The following CSGALNACT1 variants were observed in gnomAD, a reference collection of about 807,000 sequenced individuals.
CSGALNACT1 encodes the protein chondroitin sulfate N-acetylgalactosaminyltransferase 1.
In CSGALNACT1, 52 loss-of-function variants were observed where a neutral mutation model predicts 51.0. The ratio of observed to expected loss-of-function variants is 1.02; its 90% CI spans 0.82 to 1.29. The LOEUF (loss-of-function observed/expected upper bound fraction) is 1.29, where lower values mean the gene tolerates loss of function less well. CSGALNACT1 is among the 50% of genes most tolerant of loss of function. The pLI is 0.00. For missense variants in CSGALNACT1, 935 were observed against 679.2 expected (o/e 1.38, Z -4.19); for synonymous variants, 341 against 254.4 (o/e 1.34, Z -3.24).
upstream of CSGALNACT1, among the ~76,000 whole-genome samples, chr8:19,602,974 T>A (rs181030016): frequency 4.2e-4 from 63 of 149,716 alleles, no homozygotes; most frequent in East Asian, 1.4e-3. Flanking sequence ...TTTGCTATTT[T>A]TATATATATA....
At chr8:19,543,010 A>T (rs1214915765) in intron 3 of CSGALNACT1, among the ~76,000 whole-genome samples, 1 of 152,170 alleles carries the variant, frequency 6.6e-6, no homozygotes, top group Non-Finnish European at 1.5e-5. Flanking sequence ...AGTAAGACTC[A>T]ATTTAAATTG....
chr8:19,687,681 G>GA (rs1194736116), intron 1 of CSGALNACT1, among the ~76,000 whole-genome samples: 2 of 152,274 alleles, frequency 1.3e-5, no homozygotes, highest in Admixed American at 1.3e-4. Flanking sequence ...TTCCAGAAAT[G>GA]AAACTCCATT....
At chr8:19,719,355 A>G (rs1331916636) in intron 1 of CSGALNACT1, among the ~76,000 whole-genome samples, 1 of 152,166 alleles carries the variant, frequency 6.6e-6, no homozygotes, top group Non-Finnish European at 1.5e-5. Context: ...GAGGTTGACA[A>G]GTGGATCTTC....
chr8:19,604,905 ACT>A (rs1187360860), upstream of CSGALNACT1, among the ~76,000 whole-genome samples: 52 of 134,940 alleles, frequency 3.9e-4, no homozygotes, highest in African/African-American at 1.4e-3. Flanking sequence ...ACAGAGCAAG[ACT>A]CTGTCTCAAA....
intron 4 of CSGALNACT1, among the ~76,000 whole-genome samples, chr8:19,476,106 G>C (rs1213090113): frequency 1.3e-5 from 2 of 152,072 alleles, no homozygotes; most frequent in African/African-American, 4.8e-5. Context: ...CCTCTCTAAA[G>C]AATAAAAACA....
chr8:19,741,488 G>A (rs186233612), intron 1 of CSGALNACT1, among the ~76,000 whole-genome samples: 36 of 151,482 alleles, frequency 2.4e-4, no homozygotes, highest in Admixed American at 1.6e-3. Flanking sequence ...GCTTGAAGCC[G>A]GGAAGCGGAG....
intron 6 of CSGALNACT1, among the ~76,000 whole-genome samples, chr8:19,430,616 G>A (rs1413146574): frequency 6.6e-6 from 1 of 152,132 alleles, no homozygotes; most frequent in African/African-American, 2.4e-5. Flanking sequence ...TTTATAATAA[G>A]TTTTGAAATT....
intron 5 of CSGALNACT1, among the ~76,000 whole-genome samples, chr8:19,454,784 T>C (rs1449772404): frequency 6.5e-5 from 8 of 123,496 alleles, no homozygotes; most frequent in Non-Finnish European, 1.0e-4. Flanking sequence ...ACTTACAAAA[T>C]GTAGTAAAAA....
intron 8 of CSGALNACT1, among the ~76,000 whole-genome samples, chr8:19,416,193 C>A (rs546875651): frequency 1.5e-4 from 22 of 148,464 alleles, no homozygotes; most frequent in African/African-American, 5.2e-4. Context: ...CGGCTCACTG[C>A]AACCTCTGCC....
Position 19,757,455 on chromosome 8 carries a change from C to T in CSGALNACT1, c.-297+395G>A, listed in dbSNP as rs1253197110. The T allele has an allele frequency of 1.3e-5, 2 of 152,724 alleles. No homozygotes were observed. Among genetic ancestry groups the T allele is most frequent in the African/African-American group, 4.8e-5 (2 of 41,556 alleles). 9.5% of individuals were successfully genotyped at this position (152,724 alleles called of 1,614,324 possible). On this transcript the variant is annotated intron_variant, in intron 1 of 1. Coordinates refer to the CSGALNACT1 transcript ENST00000517494. This position sits in a 1 kb window ranked among gnomAD's most constrained non-coding sequence, Gnocchi z 4.0. ...GGTCGCGGTTGGCCGCGTACCTCCG[C>T]GTCACCCACGGCCTCTCTGCAGTGC...
At chr8:19,721,130 G>T (rs1421275405) in intron 1 of CSGALNACT1, among the ~76,000 whole-genome samples, 1 of 152,168 alleles carries the variant, frequency 6.6e-6, no homozygotes, top group African/African-American at 2.4e-5. Flanking sequence ...TCCCCATTGG[G>T]TTCTCAGTTC....
At chr8:19,611,072 C>A (rs1460406746) in intron 1 of CSGALNACT1, among the ~76,000 whole-genome samples, 2 of 152,230 alleles carry the variant, frequency 1.3e-5, no homozygotes, top group African/African-American at 4.8e-5. Flanking sequence ...GACAAGAGAA[C>A]TTTTCCCGTT....
intron 1 of CSGALNACT1, among the ~76,000 whole-genome samples, chr8:19,652,442 T>C (rs1207264657): frequency 6.6e-6 from 1 of 152,222 alleles, no homozygotes; most frequent in Non-Finnish European, 1.5e-5. Context: ...CATCCCCACC[T>C]GTCTTTACCT....
intron 3 of CSGALNACT1, among the ~76,000 whole-genome samples, chr8:19,529,360 C>A (rs1267941395): frequency 6.6e-6 from 1 of 152,112 alleles, no homozygotes; most frequent in Non-Finnish European, 1.5e-5. Flanking sequence ...GTGCAACTGA[C>A]CAGACCTGTG....
chr8:19,488,378 T>TATAC (rs2073543727), intron 4 of CSGALNACT1, among the ~76,000 whole-genome samples: 1 of 11,140 alleles, frequency 9.0e-5, no homozygotes, highest in Admixed American at 6.3e-4. Flanking sequence ...TACATATATA[T>TATAC]ATATATATAT....
intron 5 of CSGALNACT1, among the ~76,000 whole-genome samples, chr8:19,450,566 C>A (rs769537149): frequency 1.3e-5 from 2 of 152,066 alleles, no homozygotes; most frequent in East Asian, 1.9e-4. Flanking sequence ...AGTGAAGGAG[C>A]CTGCCACAGT....
intron 3 of CSGALNACT1, among the ~76,000 whole-genome samples, chr8:19,514,501 A>ATATATATATATATATATATATATATATC (rs2079111377): frequency 7.3e-6 from 1 of 137,842 alleles, no homozygotes; most frequent in South Asian, 2.3e-4. Flanking sequence ...ATATATATAT[A>ATATATATATATATATATATATATATATC]TATATATATA....
intron 1 of CSGALNACT1, chr8:19,732,388 T>G (rs1000741230): frequency 3.3e-5 from 5 of 152,234 alleles, no homozygotes; most frequent in African/African-American, 1.2e-4. Context: ...CCATAAAATA[T>G]GCACCAGGAT....
At chr8:19,555,246 T>A (rs1444374211) in intron 3 of CSGALNACT1, among the ~76,000 whole-genome samples, 3 of 150,798 alleles carry the variant, frequency 2.0e-5, no homozygotes, top group East Asian at 1.9e-4. Flanking sequence ...TTCAAAAAAA[T>A]TAAAAAAAAG....
Sources: gnomAD v4.1 joint callset for allele counts (sites outside exome capture counted in the v4.1 genomes callset) on GRCh38, gnomAD v4.1.1 for gene constraint, Gnocchi (gnomAD v3.1) non-coding constraint, MANE v1.5 for transcripts, NCBI Gene and HGNC (gene_info 2026-07-23, HGNC 2026-07-21) for gene names.